The following IDUA variants were observed in gnomAD, a reference collection of about 807,000 sequenced individuals.
IDUA encodes the protein iduronidase alpha-L-.
IDUA carries 65 observed loss-of-function variants against 68.9 expected under a neutral mutation model. The ratio of observed to expected loss-of-function variants is 0.94; its 90% CI spans 0.77 to 1.16. The LOEUF is 1.16. Ranked by LOEUF, IDUA falls within the 50% of genes most tolerant of loss-of-function variation. IDUA has a pLI of 0.00. For synonymous variants in IDUA, 529 were observed against 433.6 expected (o/e 1.22, Z -2.73); for missense variants, 1,046 against 938.0 (o/e 1.12, Z -1.50).
At chr4:1,002,248 A>G in intron 7 of IDUA, 21 bp from the exon 8 acceptor site, 1 of 1,602,774 alleles carries the variant, frequency 6.2e-7, no homozygotes, top group Non-Finnish European at 8.5e-7. Context: ...ACCCGGTCCC[A>G]GCTGCCCTGG....
chr4:1,002,410 A>G lies in IDUA; in HGVS notation c.1114A>G (p.Asn372Asp). ...QRTLTARFQV[N>D]NTRPPHVQLL... ...CACGCTCACCGCGCGCTTCCAGGTC[A>G]ACAACACCCGCCCGCCGCACGTGCA... The change falls in exon 8 of 14, where the codon AAC (asparagine) becomes GAC (aspartate). Residue 372 changes from asparagine to aspartate, a missense_variant. By Grantham distance (23) the Asn-to-Asp change is conservative. Coordinates refer to ENST00000514224, the MANE Select transcript of IDUA (RefSeq NM_000203.5). The G allele has an allele frequency of 1.9e-6, 3 of 1,586,736 alleles. No homozygotes were observed. Among genetic ancestry groups the G allele is most frequent in the Non-Finnish European group, 2.6e-6 (3 of 1,167,930 alleles).
intron 2 of IDUA, chr4:991,388 A>G (rs1440946364): frequency 1.2e-6 from 2 of 1,612,860 alleles, no homozygotes; most frequent in South Asian, 1.1e-5. Context: ...TTGGCGAAGA[A>G]GGACGTATAG....
intron 2 of IDUA, chr4:989,152 A>G: frequency 1.2e-6 from 2 of 1,607,668 alleles, no homozygotes; most frequent in Non-Finnish European, 1.7e-6. Context: ...CCTGGTGCTA[A>G]CCGGGCCCAG....
Position 1,002,785 on chromosome 4 carries a change from A to T in IDUA, c.1243A>T (p.Asn415Tyr). The T allele has an allele frequency of 6.8e-7, 1 of 1,470,582 alleles. No individual in the cohort carries two copies. Among genetic ancestry groups the T allele is most frequent in the Non-Finnish European group, 9.0e-7 (1 of 1,117,060 alleles). The allele number at this position is 1,470,582 out of a possible 1,614,324, so 91.1% of individuals were successfully genotyped here. A position where few individuals can be genotyped will look rare whatever the true frequency, so the allele number is the denominator to read the frequency against. ...VSQAGTVLDS[N>Y]HTVGVLASAH... ...GCAGGCCGGGACCGTCCTGGACAGC[A>T]ACCACACGGTGGGCGTCCTGGCCAG... The change falls in exon 9 of 14, where the codon AAC (asparagine) becomes TAC (tyrosine). Residue 415 changes from asparagine (N) to tyrosine (Y), a missense_variant. Transcript: ENST00000514224.
rs1359058958 is a variant in IDUA at position 987,901 on chromosome 4, G to C, written c.251G>C (p.Gly84Ala). The C allele has an allele frequency of 6.8e-6, 11 of 1,607,266 alleles. No homozygotes were observed. The highest frequency in any genetic ancestry group is 8.5e-6 in the Non-Finnish European group (10 of 1,177,690). ...TATGTGGGCGCCGTCCCTCACCGCG[G>C]CATCAAGCAGGTCCGGACCCACTGG... is the stretch of plus-strand genomic sequence containing the variant. Reference protein sequence around the residue: ...LAYVGAVPHRGIKQVRTHWLL... With the variant: ...LAYVGAVPHRAIKQVRTHWLL... The change falls in exon 2 of 14, where the codon GGC becomes GCC. Residue 84 changes from glycine to alanine, a missense_variant. Gly to Ala is a moderately conservative substitution (Grantham distance 60). Transcript: ENST00000514224.
At chr4:991,022 C>G in intron 2 of IDUA, 2 of 1,191,412 alleles carry the variant, frequency 1.7e-6, no homozygotes, top group Non-Finnish European at 2.3e-6. Context: ...GGGCCAGCAC[C>G]TCCTCTGCCA....
At chr4:1,003,971 C>T (rs1312098786) in intron 12 of IDUA, 41 bp from the exon 13 acceptor site, 1 of 1,514,616 alleles carries the variant, frequency 6.6e-7, no homozygotes, top group Non-Finnish European at 9.2e-7. Context: ...CCTTTGAGGA[C>T]TGTCTTGACC....
At chr4:1,000,784 GAT>G in intron 3 of IDUA, 87 bp downstream of exon 3, 1 of 1,464,884 alleles carries the variant, frequency 6.8e-7, no homozygotes, top group Non-Finnish European at 9.6e-7. Flanking sequence ...TGAGTCCTTG[GAT>G]GTCCATTCAG....
Position 999,016 on chromosome 4 carries a change from A to T in IDUA, c.300-1596A>T, listed in dbSNP as rs574649318. Among the ~76,000 whole-genome samples the T allele has an allele frequency of 5.3e-5, 8 of 152,188 alleles. No homozygotes were observed. The South Asian group carries it at 1.5e-3, about 28-fold the overall frequency. The stretch of plus-strand genomic sequence containing the variant: ...TCAGGAAATGGAAACCATCCTGGCT[A>T]ACATGGTGAAACTCCGTCTCTACTA... On this transcript the variant is annotated intron_variant, in intron 2 of 13. Transcript: ENST00000514224.
Position 1,001,870 on chromosome 4 carries a change from C to G in IDUA, c.781C>G (p.Leu261Val). 6.3e-7 allele frequency: 1 copy of G among 1,588,886 alleles called. No individual in the cohort carries two copies. Among genetic ancestry groups the G allele is most frequent in the Middle Eastern group, 1.7e-4 (1 of 6,034 alleles). The change falls in exon 6 of 14, where the codon CTC becomes GTC. Residue 261 changes from leucine to valine, a missense_variant. Coordinates refer to ENST00000514224, the MANE Select transcript of IDUA (RefSeq NM_000203.5). ...GGGCGTGCGGCTGGACTACATCTCC[C>G]TCCACAGGAAGGTGCGCCCTGCCCC... Reference protein sequence around the residue: ...EAGVRLDYISLHRKGARSSIS... With the variant: ...EAGVRLDYISVHRKGARSSIS...
Position 1,001,739 on chromosome 4 carries a change from G to A in IDUA, c.650G>A (p.Arg217Gln), listed in dbSNP as rs1361925254. ...CTGCGCGCCGCCAGCCCCGCCCTGC[G>A]GCTGGGAGGCCCCGGCGACTCCTTC... ...EGLRAASPAL[R>Q]LGGPGDSFHT... is the part of the protein sequence containing the mutation. Residue 217 changes from arginine (R) to glutamine (Q), a missense_variant, in exon 6 of 14, where the codon CGG becomes CAG. Coordinates refer to ENST00000514224, the MANE Select transcript of IDUA (RefSeq NM_000203.5). 11 of 1,598,852 alleles carry A rather than the reference G, an allele frequency of 6.9e-6. No homozygotes were observed. The highest frequency in any genetic ancestry group is 1.3e-5 in the African/African-American group (1 of 74,818).
intron 2 of IDUA, chr4:989,563 T>C (rs1427562334): frequency 1.3e-6 from 2 of 1,586,038 alleles, no homozygotes; most frequent in African/African-American, 2.7e-5. Context: ...CCGCGGGAGG[T>C]CCCACACCTT....
chr4:990,148 A>C, intron 2 of IDUA: 1 of 1,564,860 alleles, frequency 6.4e-7, no homozygotes, highest in South Asian at 1.2e-5. Flanking sequence ...GCTGGTGACC[A>C]CGTCGCACAC....
chr4:991,342 A>T (rs761782817), intron 2 of IDUA: 5 of 1,612,868 alleles, frequency 3.1e-6, no homozygotes, highest in Non-Finnish European at 4.2e-6. Context: ...GCCCACGGAG[A>T]CATGCCGTGA....
chr4:1,000,902 G>T lies in IDUA; in HGVS notation c.406G>T (p.Ala136Ser). ...TCCAGGGTTTGAGCTGATGGGCAGC[G>T]CCTCGGGCCACTTCACTGACTTTGA... ...LLPGFELMGSASGHFTDFEDK... is the reference protein window; with the variant it reads ...LLPGFELMGSSSGHFTDFEDK... Residue 136 changes from alanine to serine, a missense_variant, in exon 4 of 14, where the codon GCC becomes TCC. Coordinates refer to ENST00000514224, the MANE Select transcript of IDUA (RefSeq NM_000203.5). The T allele has an allele frequency of 2.5e-6, 4 of 1,613,320 alleles. No homozygotes were observed. The highest frequency in any genetic ancestry group is 3.4e-6 in the Non-Finnish European group (4 of 1,179,890).
At chr4:994,369 G>A (rs1321658813) in intron 2 of IDUA, among the ~76,000 whole-genome samples, 6 of 151,596 alleles carry the variant, frequency 4.0e-5, no homozygotes, top group Non-Finnish European at 7.4e-5. Flanking sequence ...TCTGCCTCCT[G>A]GGTTCACGCC....
Position 988,895 on chromosome 4 carries a change from C to T in IDUA, c.299+946C>T. On this transcript the variant is annotated intron_variant, in intron 2 of 13. Transcript: ENST00000514224. The stretch of plus-strand genomic sequence containing the variant: ...CGGGCTCGTGCTGTCTGCACGGCAT[C>T]GTGCACACTGAGGAACAGCTGCTCC... 15 of 1,604,168 alleles carry T rather than the reference C, an allele frequency of 9.4e-6. No homozygotes were observed. The highest frequency in any genetic ancestry group is 1.1e-5 in the South Asian group (1 of 89,830).
chr4:1,002,357 G>C lies in IDUA; in HGVS notation c.1061G>C (p.Ser354Thr). Residue 354 changes from serine to threonine, a missense_variant, in exon 8 of 14, where the codon AGC (serine) becomes ACC (threonine). By Grantham distance (58) the Ser-to-Thr change is moderately conservative. Transcript: ENST00000514224. ...CTGAGCAACGACAATGCCTTCCTGA[G>C]CTACCACCCGCACCCCTTCGCGCAG... ...ALLSNDNAFL[S>T]YHPHPFAQRT... is the part of the protein sequence containing the mutation. The C allele has an allele frequency of 1.2e-6, 2 of 1,612,936 alleles. No homozygotes were observed. The highest frequency in any genetic ancestry group is 1.7e-6 in the Non-Finnish European group (2 of 1,179,642).
chr4:1,001,215 G>A, intron 4 of IDUA: 3 of 620,322 alleles, frequency 4.8e-6, no homozygotes, highest in Non-Finnish European at 8.6e-6. Context: ...AAGGCCCTGG[G>A]CCCCTGGGGT....
Sources: allele counts gnomAD v4.1 joint callset (sites outside exome capture counted in the v4.1 genomes callset), GRCh38; gene constraint gnomAD v4.1.1; transcripts MANE v1.5; gene names NCBI Gene and HGNC (gene_info 2026-07-23, HGNC 2026-07-21).